PCDHGA1: variants seen among roughly 807,000 people sequenced by gnomAD.
The protein encoded by PCDHGA1 is protocadherin gamma subfamily A, 1.
In PCDHGA1, 32 loss-of-function variants were observed where a neutral mutation model predicts 58.0. The observed-to-expected ratio is 0.55, with a 90% CI of 0.42 to 0.74. The LOEUF (loss-of-function observed/expected upper bound fraction) is 0.74, where lower values mean the gene tolerates loss of function less well. PCDHGA1 is among the 30% of genes least tolerant of loss of function. The pLI is 0.00. For synonymous variants in PCDHGA1, 498 were observed against 501.1 expected (o/e 0.99, Z 0.08); for missense variants, 1,205 against 1,182.3 (o/e 1.02, Z -0.28).
At chr5:141,404,516 T>G (rs968433488) in intron 1 of PCDHGA1, 1 of 1,613,754 alleles carries the variant, frequency 6.2e-7, no homozygotes, top group African/African-American at 1.3e-5. Flanking sequence ...CTCCTTTGAC[T>G]ATGAGCAGTT....
intron 1 of PCDHGA1, among the ~76,000 whole-genome samples, chr5:141,450,894 G>A (rs919860611): frequency 2.7e-5 from 4 of 148,956 alleles, no homozygotes; most frequent in Admixed American, 1.3e-4. Context: ...GTGCGATATC[G>A]GCTCACTGCA....
At chr5:141,389,114 C>T in intron 1 of PCDHGA1, 2 of 1,614,004 alleles carry the variant, frequency 1.2e-6, no homozygotes, top group Non-Finnish European at 1.7e-6. Context: ...TTCTAGACCG[C>T]GAGCAGAATC....
At chr5:141,342,692 A>AT (rs1417532109) in intron 1 of PCDHGA1, 2 of 152,226 alleles carry the variant, frequency 1.3e-5, no homozygotes, top group African/African-American at 2.4e-5. Context: ...AAGCAAAGTT[A>AT]TTTTTAGTGT....
intron 1 of PCDHGA1, chr5:141,388,157 C>T (rs750936402): frequency 1.4e-6 from 2 of 1,469,104 alleles, no homozygotes; most frequent in Non-Finnish European, 1.9e-6. Flanking sequence ...GCAGGCTAGA[C>T]AGGGAGGAGA....
At position 141,487,636 on chromosome 5, in the gene PCDHGA1, A is replaced by G. The variant is rs780468230; in HGVS notation, c.2422-7171A>G. 3 of 1,614,192 alleles carry G rather than the reference A, an allele frequency of 1.9e-6. No homozygotes were observed. Among genetic ancestry groups the G allele is most frequent in the Non-Finnish European group, 1.7e-6 (2 of 1,180,030 alleles). Reference sequence around the variant, plus strand: ...TAGAGGTGAGACCTTTGCAGGCTCAACAAATGCTTGAGGGTTATTCTGATC... The same window carrying G: ...TAGAGGTGAGACCTTTGCAGGCTCAGCAAATGCTTGAGGGTTATTCTGATC... On this transcript the variant is annotated intron_variant, in intron 1 of 3. Transcript: ENST00000517417. This position sits in a 1 kb window ranked among gnomAD's most constrained non-coding sequence, Gnocchi z 5.0.
chr5:141,499,493 A>G (rs1322531312), intron 2 of PCDHGA1, among the ~76,000 whole-genome samples: 1 of 152,222 alleles, frequency 6.6e-6, no homozygotes, highest in African/African-American at 2.4e-5. Context: ...CTACAGTTTA[A>G]TATGAAACAT....
chr5:141,430,659 G>A, intron 1 of PCDHGA1: 1 of 1,110,600 alleles, frequency 9.0e-7, no homozygotes, highest in Non-Finnish European at 1.2e-6. Context: ...AACAACGGAG[G>A]AGCTCTGACT....
intron 1 of PCDHGA1, among the ~76,000 whole-genome samples, chr5:141,460,646 C>T (rs1001365023): frequency 2.0e-5 from 3 of 151,954 alleles, no homozygotes; most frequent in African/African-American, 7.3e-5. Context: ...ACTGTGTTTA[C>T]ACATATGTAA....
At position 141,375,804 on chromosome 5, in the gene PCDHGA1, G is replaced by A. The variant is rs375695435; in HGVS notation, c.2421+42699G>A. 1,032 of 1,614,192 alleles carry A rather than the reference G, an allele frequency of 6.4e-4. 20 individuals carry two copies. In the South Asian group the frequency reaches 0.011, roughly 17 times the overall value. ...GCCCTCCCCACAGACGGTTCCACTG[G>A]CGTGGAGCTGGCGCCCCGCTCCGCA... On this transcript the variant is annotated intron_variant, in intron 1 of 3. Coordinates refer to ENST00000517417, the MANE Select transcript of PCDHGA1 (RefSeq NM_018912.3).
intron 1 of PCDHGA1, chr5:141,424,031 T>G (rs2096796228): frequency 1.9e-6 from 2 of 1,036,050 alleles, no homozygotes; most frequent in African/African-American, 3.4e-5. Flanking sequence ...AAACACTTTT[T>G]ATTTCCATTT....
intron 1 of PCDHGA1, chr5:141,364,769 G>C (rs755884627): frequency 6.2e-7 from 1 of 1,614,012 alleles, no homozygotes; most frequent in South Asian, 1.1e-5. Flanking sequence ...TGAAAATGCG[G>C]CTGCAGGGAC....
intron 1 of PCDHGA1, chr5:141,385,514 G>T: frequency 7.3e-7 from 1 of 1,363,606 alleles, no homozygotes; most frequent in Non-Finnish European, 9.5e-7. Context: ...TTTAGTGAAA[G>T]CCTATGGACA....
At chr5:141,376,955 G>A (rs1473018804) in intron 1 of PCDHGA1, 1 of 163,724 alleles carries the variant, frequency 6.1e-6, no homozygotes, top group Admixed American at 5.9e-5. Flanking sequence ...CCAAAGTGCT[G>A]GGATTACAGG....
At chr5:141,466,965 C>A (rs1345790988) in intron 1 of PCDHGA1, among the ~76,000 whole-genome samples, 1 of 152,016 alleles carries the variant, frequency 6.6e-6, no homozygotes, top group East Asian at 1.9e-4. Context: ...CAAATATTTT[C>A]TCACAGCTCA....
intron 1 of PCDHGA1, chr5:141,359,968 T>C (rs1761374552): frequency 1.5e-6 from 1 of 669,776 alleles, no homozygotes; most frequent in Non-Finnish European, 2.2e-6. Flanking sequence ...AGAGAAGCGT[T>C]TGGGAGCCTC....
intron 1 of PCDHGA1, among the ~76,000 whole-genome samples, chr5:141,368,793 T>G (rs1012926253): frequency 6.6e-6 from 1 of 152,202 alleles, no homozygotes; most frequent in Non-Finnish European, 1.5e-5. Context: ...GAATAATTTT[T>G]CATACTAATT....
intron 1 of PCDHGA1, among the ~76,000 whole-genome samples, chr5:141,466,868 CA>C (rs1343260699): frequency 1.3e-5 from 2 of 152,100 alleles, no homozygotes; most frequent in African/African-American, 2.4e-5. Flanking sequence ...GAAATCCACA[CA>C]TTTTTTTCAT....
At chr5:141,455,860 ATTATTTATTTATTTATTTAT>A (rs145569377) in intron 1 of PCDHGA1, among the ~76,000 whole-genome samples, 117 of 139,848 alleles carry the variant, frequency 8.4e-4, no homozygotes, top group Non-Finnish European at 9.4e-4. Flanking sequence ...AATTTCTTTT[ATTATTTATTTATTTATTTAT>A]TTATTTATTT....
chr5:141,463,747 G>A (rs994400482), intron 1 of PCDHGA1, among the ~76,000 whole-genome samples: 13 of 152,082 alleles, frequency 8.5e-5, no homozygotes, highest in Middle Eastern at 3.4e-3. Context: ...CGCCCGGCCT[G>A]CTTCTCTTCT....
Sources: allele counts gnomAD v4.1 joint callset (sites outside exome capture counted in the v4.1 genomes callset), GRCh38; gene constraint gnomAD v4.1.1; non-coding constraint Gnocchi (gnomAD v3.1); transcripts MANE v1.5; gene names NCBI Gene and HGNC (gene_info 2026-07-23, HGNC 2026-07-21).